DNER: variants seen among roughly 807,000 people sequenced by gnomAD.
DNER encodes delta/notch like EGF repeat containing.
A neutral mutation model predicts 78.2 loss-of-function variants in DNER; 33 were observed. The ratio of observed to expected loss-of-function variants is 0.42; its 90% CI spans 0.32 to 0.56. The LOEUF (loss-of-function observed/expected upper bound fraction) is 0.56. Ranked by LOEUF, DNER falls within the 20% of genes least tolerant of loss-of-function variation. DNER has a pLI of 0.11. For synonymous variants in DNER, 417 were observed against 384.8 expected, an observed-to-expected ratio of 1.08 and a Z score of -0.98; for missense variants, 918 against 975.3, an observed-to-expected ratio of 0.94 and a Z score of 0.78.
intron 1 of DNER, among the ~76,000 whole-genome samples, chr2:229,642,295 CCG>C (rs1408570319): frequency 2.6e-5 from 4 of 151,988 alleles, no homozygotes. Flanking sequence ...TCATTTTTAC[CCG>C]AGAAACAATT....
chr2:229,591,719 G>C lies in DNER; in HGVS notation c.446C>G (p.Ala149Gly), dbSNP rs775322868. The change falls in exon 2 of 13, where the codon GCA (alanine) becomes GGA (glycine). Residue 149 changes from alanine to glycine, a missense_variant. Ala to Gly is a moderately conservative substitution (Grantham distance 60). Transcript: ENST00000341772. This position sits in a 1 kb window ranked among gnomAD's most constrained non-coding sequence, Gnocchi z 4.6. ...LPATGWTESM[A>G]PRQLQPVPAT... ...AGGAACAGGCTGAAGCTGTCGGGGT[G>C]CCATGGATTCGGTCCAGCCAGTGGC... 2 of 1,614,212 alleles carry C rather than the reference G, an allele frequency of 1.2e-6. No individual in the cohort carries two copies. The highest frequency in any genetic ancestry group is 1.7e-6 in the Non-Finnish European group (2 of 1,180,038).
At chr2:229,668,022 T>G (rs1699123564) in intron 1 of DNER, among the ~76,000 whole-genome samples, 1 of 152,200 alleles carries the variant, frequency 6.6e-6, no homozygotes, top group Admixed American at 6.5e-5. Flanking sequence ...GTTGTAGCAT[T>G]CAGAGCTTTT....
chr2:229,398,681 T>C (rs1693202332), intron 10 of DNER, among the ~76,000 whole-genome samples: 1 of 152,062 alleles, frequency 6.6e-6, no homozygotes, highest in Admixed American at 6.5e-5. Context: ...TGACTATAGA[T>C]ACAAAAATTC....
intron 4 of DNER, among the ~76,000 whole-genome samples, chr2:229,573,668 A>G (rs1183662466): frequency 6.6e-6 from 1 of 152,228 alleles, no homozygotes; most frequent in Non-Finnish European, 1.5e-5. Flanking sequence ...CAAAAGGATC[A>G]CAGAGAAGGA....
At chr2:229,514,809 C>G (rs1364401334) in intron 5 of DNER, among the ~76,000 whole-genome samples, 1 of 152,110 alleles carries the variant, frequency 6.6e-6, no homozygotes, top group African/African-American at 2.4e-5. Flanking sequence ...GTGTGCAGAT[C>G]CCTCACAAAC....
At chr2:229,522,586 T>C (rs1325272381) in intron 5 of DNER, among the ~76,000 whole-genome samples, 5 of 152,210 alleles carry the variant, frequency 3.3e-5, no homozygotes, top group African/African-American at 1.2e-4. Context: ...TTTAGCCCTC[T>C]AGTTATTTCC....
At chr2:229,431,336 G>C (rs1693999505) in intron 8 of DNER, among the ~76,000 whole-genome samples, 1 of 152,138 alleles carries the variant, frequency 6.6e-6, no homozygotes, top group Admixed American at 6.5e-5. Context: ...TGCTTTAACG[G>C]AAACAGTGTC....
intron 1 of DNER, among the ~76,000 whole-genome samples, chr2:229,702,900 C>G (rs1046741366): frequency 4.1e-5 from 5 of 122,284 alleles, no homozygotes; most frequent in East Asian, 2.3e-4. Context: ...CTGGGGGACA[C>G]AGCGAGACTC....
intron 1 of DNER, among the ~76,000 whole-genome samples, chr2:229,669,707 CTCTG>C (rs775932126): frequency 1.1e-4 from 17 of 152,094 alleles, no homozygotes; most frequent in African/African-American, 3.9e-4. Context: ...TGATTTGGCT[CTCTG>C]TCTATTACTG....
At chr2:229,603,503 T>C (rs543567962) in intron 1 of DNER, among the ~76,000 whole-genome samples, 1 of 152,128 alleles carries the variant, frequency 6.6e-6, no homozygotes, top group African/African-American at 2.4e-5. Context: ...GAAAGAACTA[T>C]AGCCTTATAC....
chr2:229,654,163 G>A (rs1343116776), intron 1 of DNER, among the ~76,000 whole-genome samples: 1 of 150,688 alleles, frequency 6.6e-6, no homozygotes, highest in East Asian at 1.9e-4. Context: ...CCCACCCTGT[G>A]TCCAAGTGTT....
At chr2:229,671,623 A>G (rs906170396) in intron 1 of DNER, among the ~76,000 whole-genome samples, 4 of 152,156 alleles carry the variant, frequency 2.6e-5, no homozygotes, top group African/African-American at 9.7e-5. Context: ...TCCACAACAT[A>G]TTGGTGCTCC....
chr2:229,469,697 C>T (rs1017172652), intron 7 of DNER, among the ~76,000 whole-genome samples: 2 of 152,182 alleles, frequency 1.3e-5, no homozygotes, highest in African/African-American at 4.8e-5. Context: ...AATCCCAACA[C>T]TTTGGCAGGC....
intron 12 of DNER, among the ~76,000 whole-genome samples, chr2:229,363,984 G>A (rs1210583104): frequency 1.8e-5 from 2 of 111,532 alleles, no homozygotes; most frequent in African/African-American, 3.5e-5. Context: ...TCAATTCTCT[G>A]CTTTTTTTTT....
intron 1 of DNER, among the ~76,000 whole-genome samples, chr2:229,640,390 A>G (rs1698596393): frequency 6.6e-6 from 1 of 151,876 alleles, no homozygotes; most frequent in African/African-American, 2.4e-5. Flanking sequence ...AATAGTGAGC[A>G]AAACATTATC....
intron 12 of DNER, among the ~76,000 whole-genome samples, chr2:229,365,502 T>C (rs890384377): frequency 6.6e-6 from 1 of 152,198 alleles, no homozygotes; most frequent in Admixed American, 6.5e-5. Flanking sequence ...AGTGGTGCCA[T>C]CTCAGCTTAC....
At chr2:229,660,415 C>T (rs1329570096) in intron 1 of DNER, among the ~76,000 whole-genome samples, 2 of 152,130 alleles carry the variant, frequency 1.3e-5, no homozygotes, top group Admixed American at 1.3e-4. Context: ...AGGATAGTGA[C>T]CTCCAGCTCC....
chr2:229,490,392 T>A (rs897252120), intron 6 of DNER, among the ~76,000 whole-genome samples: 6 of 152,224 alleles, frequency 3.9e-5, no homozygotes, highest in African/African-American at 1.4e-4. Context: ...AATGGAATAT[T>A]ATTCAGGCAT....
At chr2:229,492,946 G>A (rs955723979) in intron 6 of DNER, among the ~76,000 whole-genome samples, 2 of 152,118 alleles carry the variant, frequency 1.3e-5, no homozygotes, top group African/African-American at 4.8e-5. Flanking sequence ...GCTGGGATTA[G>A]AGACCTGAGC....
Sources: gnomAD v4.1 joint callset for allele counts (sites outside exome capture counted in the v4.1 genomes callset) on GRCh38, gnomAD v4.1.1 for gene constraint, Gnocchi (gnomAD v3.1) non-coding constraint, MANE v1.5 for transcripts, NCBI Gene and HGNC (gene_info 2026-07-23, HGNC 2026-07-21) for gene names.